Variants in IKBKB observed in about 807,000 individuals in gnomAD.
The protein encoded by IKBKB is inhibitor of nuclear factor kappa B kinase subunit beta.
IKBKB carries 42 observed loss-of-function variants against 113.6 expected under a neutral mutation model. The ratio of observed to expected loss-of-function variants is 0.37; its 90% CI spans 0.29 to 0.48. IKBKB has a LOEUF of 0.48. Ranked by LOEUF, IKBKB falls within the 20% of genes least tolerant of loss-of-function variation. The probability of loss-of-function intolerance (pLI) is 0.99; values close to 1 mark genes in which losing one functional copy is unlikely to be tolerated. For synonymous variants in IKBKB, 296 were observed against 361.3 expected (o/e 0.82, Z 2.05); for missense variants, 673 against 939.7 (o/e 0.72, Z 3.71).
chr8:42,324,248 C>T (rs1243687019), intron 19 of IKBKB, among the ~76,000 whole-genome samples: 2 of 152,100 alleles, frequency 1.3e-5, no homozygotes, highest in East Asian at 3.9e-4. Context: ...CAAGGGTGAG[C>T]TTACGTGGGC....
At chr8:42,298,552 G>A (rs1814412270) in intron 5 of IKBKB, 15 of 878,128 alleles carry the variant, frequency 1.7e-5, no homozygotes, top group South Asian at 1.0e-4. Flanking sequence ...TCTGACTGAA[G>A]TGTGGATTAT....
At chr8:42,274,493 A>G (rs1250386894) in intron 2 of IKBKB, among the ~76,000 whole-genome samples, 1 of 110,956 alleles carries the variant, frequency 9.0e-6, no homozygotes, top group African/African-American at 3.6e-5. Context: ...TCTGGTGACC[A>G]CTATTCTACT....
At chr8:42,290,420 CCT>C in intron 4 of IKBKB, 147 bp downstream of exon 4, 3 of 642,972 alleles carry the variant, frequency 4.7e-6, no homozygotes, top group Non-Finnish European at 8.3e-6. Flanking sequence ...CCTCTCAGAT[CCT>C]CTGTTCCCTG....
intron 4 of IKBKB, among the ~76,000 whole-genome samples, chr8:42,290,663 G>A (rs1052789343): frequency 6.6e-6 from 1 of 152,208 alleles, no homozygotes; most frequent in Non-Finnish European, 1.5e-5. Flanking sequence ...CTTATTAGGA[G>A]GGATTTTATT....
At chr8:42,304,515 G>C (rs752638735) in intron 5 of IKBKB, among the ~76,000 whole-genome samples, 3 of 152,172 alleles carry the variant, frequency 2.0e-5, no homozygotes, top group Non-Finnish European at 4.4e-5. Flanking sequence ...GCTCTTTAAA[G>C]TTGGGGATCA....
intron 2 of IKBKB, among the ~76,000 whole-genome samples, chr8:42,286,087 T>C (rs1811367662): frequency 6.6e-6 from 1 of 152,136 alleles, no homozygotes; most frequent in East Asian, 1.9e-4. Flanking sequence ...TCAATAGAGC[T>C]GTTAAAAAAA....
intron 5 of IKBKB, among the ~76,000 whole-genome samples, chr8:42,296,563 C>G (rs1406018808): frequency 6.6e-6 from 1 of 151,890 alleles, no homozygotes; most frequent in Non-Finnish European, 1.5e-5. Flanking sequence ...GCAGGAGAAT[C>G]ACTTGAACCC....
chr8:42,322,090 G>A lies in IKBKB; in HGVS notation c.1775G>A (p.Arg592Gln). 5.0e-6 allele frequency: 8 copies of A among 1,613,874 alleles called. No individual in the cohort carries two copies. Among genetic ancestry groups the A allele is most frequent in the Non-Finnish European group, 6.8e-6 (8 of 1,179,958 alleles). ...RTEGDSQEMVRLLLQAIQSFE... is the reference protein window; with the variant it reads ...RTEGDSQEMVQLLLQAIQSFE... ...GAGGGTGACAGTCAGGAAATGGTAC[G>A]GCTGCTGCTTCAGGCAATTCAGAGC... is the stretch of plus-strand genomic sequence containing the variant. The change falls in exon 18 of 22, where the codon CGG (arginine) becomes CAG (glutamine). Residue 592 changes from arginine to glutamine, a missense_variant. Around this residue, in one of 2 missense-constraint regions of IKBKB, gnomAD observed 506 missense variants for 638.7 expected, o/e 0.79. Transcript: ENST00000520810.
At chr8:42,293,982 C>G (rs1813194373) in intron 5 of IKBKB, among the ~76,000 whole-genome samples, 2 of 152,190 alleles carry the variant, frequency 1.3e-5, no homozygotes, top group Non-Finnish European at 2.9e-5. Context: ...GCGGCACCCT[C>G]TGAGAAGGCC....
intron 19 of IKBKB, among the ~76,000 whole-genome samples, chr8:42,324,427 G>A (rs1460891849): frequency 1.3e-5 from 2 of 152,084 alleles, no homozygotes; most frequent in Non-Finnish European, 2.9e-5. Context: ...CCCACACCTG[G>A]CTAATTTTTG....
At chr8:42,288,100 G>A (rs899105775) in intron 2 of IKBKB, among the ~76,000 whole-genome samples, 1 of 152,032 alleles carries the variant, frequency 6.6e-6, no homozygotes, top group African/African-American at 2.4e-5. Context: ...AAATGAGGTG[G>A]GAGAGGCTGG....
chr8:42,304,108 AT>A (rs1816006639), intron 5 of IKBKB, among the ~76,000 whole-genome samples: 1 of 152,184 alleles, frequency 6.6e-6, no homozygotes, highest in East Asian at 1.9e-4. Context: ...GCAACTGGAT[AT>A]AGCTAACATA....
At chr8:42,293,228 C>T (rs572079053) in intron 4 of IKBKB, among the ~76,000 whole-genome samples, 1 of 152,268 alleles carries the variant, frequency 6.6e-6, no homozygotes, top group Admixed American at 6.5e-5. Context: ...GATGTGAGAG[C>T]CCTGGGGTGG....
chr8:42,279,585 A>G (rs1305131275), intron 2 of IKBKB, among the ~76,000 whole-genome samples: 1 of 152,158 alleles, frequency 6.6e-6, no homozygotes, highest in Non-Finnish European at 1.5e-5. Context: ...GAAAGGAAGT[A>G]CTGTTGTCTT....
Position 42,316,533 on chromosome 8 carries a change from C to T in IKBKB, c.931-177C>T, listed in dbSNP as rs891668029. Among the ~76,000 whole-genome samples, 3 of 152,308 alleles carry T rather than the reference C, an allele frequency of 2.0e-5. No individual in the cohort carries two copies. Among genetic ancestry groups the T allele is most frequent in the African/African-American group, 7.2e-5 (3 of 41,566 alleles). On this transcript the variant is annotated intron_variant, in intron 10 of 21. Transcript: ENST00000520810. This position sits in a 1 kb window ranked among gnomAD's most constrained non-coding sequence, Gnocchi z 4.5. ...TTGGCTATGAGGTCATAGCCACAGA[C>T]AGGATTATGAAAGATGCAAATATGC...
intron 5 of IKBKB, among the ~76,000 whole-genome samples, chr8:42,301,167 G>A (rs1283766818): frequency 1.3e-5 from 2 of 152,212 alleles, no homozygotes; most frequent in African/African-American, 2.4e-5. Flanking sequence ...TCACTGTGTA[G>A]TTGTGAATAG....
chr8:42,298,676 T>C (rs1814440987), intron 5 of IKBKB, among the ~76,000 whole-genome samples: 1 of 152,212 alleles, frequency 6.6e-6, no homozygotes, highest in South Asian at 2.1e-4. Context: ...TCCACCATTT[T>C]ATAGCTCTAG....
chr8:42,331,816 T>C lies in IKBKB; in HGVS notation c.*837T>C, dbSNP rs1821719436. ...CCACCAGCCTGCCTACCCATGCCCA[T>C]GTCTCCATTCCTGCTCAAGCGTGTG... On this transcript the variant is annotated 3_prime_UTR_variant, in exon 22 of 22. Coordinates refer to ENST00000520810, the MANE Select transcript of IKBKB (RefSeq NM_001556.3). 1 of 273,440 alleles carries C rather than the reference T, an allele frequency of 3.7e-6. No homozygotes were observed. The highest frequency in any genetic ancestry group is 5.1e-5 in the Admixed American group (1 of 19,664). 16.9% of individuals were successfully genotyped at this position (273,440 alleles called of 1,614,324 possible). A position where few individuals can be genotyped will look rare whatever the true frequency, so the allele number is the denominator to read the frequency against.
At chr8:42,276,699 C>T (rs903342721) in intron 2 of IKBKB, among the ~76,000 whole-genome samples, 7 of 150,908 alleles carry the variant, frequency 4.6e-5, no homozygotes, top group East Asian at 3.9e-4. Flanking sequence ...AAGCACTTCC[C>T]GTATGTTTTC....
Sources: allele counts gnomAD v4.1 joint callset (sites outside exome capture counted in the v4.1 genomes callset), GRCh38; gene constraint gnomAD v4.1.1; regional missense constraint gnomAD v4.1.1; non-coding constraint Gnocchi (gnomAD v3.1); transcripts MANE v1.5; gene names NCBI Gene and HGNC (gene_info 2026-07-23, HGNC 2026-07-21).